Variants in ZNF610 observed in about 807,000 individuals in gnomAD.
ZNF610 encodes zink finger protein.
A neutral mutation model predicts 14.1 loss-of-function variants in ZNF610; 14 were observed. That is an observed-to-expected ratio of 0.99 (90% CI 0.65 to 1.55). ZNF610 has a LOEUF of 1.55. Ranked by LOEUF, ZNF610 falls within the 40% of genes most tolerant of loss-of-function variation. The pLI, the probability that ZNF610 is intolerant of heterozygous loss-of-function variation, is 0.00. For synonymous variants in ZNF610, 185 were observed against 187.6 expected (o/e 0.99, Z 0.11); for missense variants, 530 against 558.0 (o/e 0.95, Z 0.51).
chr19:52,349,295 C>A, intron 3 of ZNF610, 60 bp downstream of exon 3: 1 of 1,547,508 alleles, frequency 6.5e-7, no homozygotes, highest in Non-Finnish European at 8.9e-7. Flanking sequence ...CCTGAAGCAT[C>A]CTGCCTGACA....
upstream of ZNF610, among the ~76,000 whole-genome samples, chr19:52,331,975 C>T (rs575772510): frequency 3.3e-5 from 5 of 152,158 alleles, no homozygotes; most frequent in African/African-American, 7.2e-5. Flanking sequence ...CCCTGAACAG[C>T]GACAGTGGCA....
chr19:52,331,342 G>A (rs1984208662), upstream of ZNF610, among the ~76,000 whole-genome samples: 1 of 152,150 alleles, frequency 6.6e-6, no homozygotes. Context: ...CACATTGACA[G>A]CCCTGCTACC....
intron 5 of ZNF610, among the ~76,000 whole-genome samples, chr19:52,360,615 A>C (rs1001822639): frequency 2.0e-5 from 3 of 152,162 alleles, no homozygotes. Context: ...TTCTATCATC[A>C]GTAGTTGTTG....
upstream of ZNF610, among the ~76,000 whole-genome samples, chr19:52,333,080 AC>A (rs1289414911): frequency 2.6e-5 from 4 of 152,174 alleles, no homozygotes; most frequent in Admixed American, 2.6e-4. Context: ...TGGAAGTCTT[AC>A]CTAAGCCTCC....
intron 1 of ZNF610, among the ~76,000 whole-genome samples, chr19:52,345,879 T>C (rs1017435229): frequency 6.6e-6 from 1 of 151,252 alleles, no homozygotes; most frequent in Non-Finnish European, 1.5e-5. Context: ...TAATTTTTTG[T>C]ATTTTTAGTA....
At chr19:52,347,511 C>T (rs1279405772) in intron 1 of ZNF610, among the ~76,000 whole-genome samples, 196 bp from the exon 2 acceptor site, 1 of 152,158 alleles carries the variant, frequency 6.6e-6, no homozygotes, top group South Asian at 2.1e-4. Flanking sequence ...AGCCTAAATA[C>T]ACAGTAAGTA....
At chr19:52,335,857 T>C (rs16983728), upstream of ZNF610, among the ~76,000 whole-genome samples, 10,314 of 152,154 alleles carry the variant, frequency 0.068, 551 homozygotes, top group African/African-American at 0.15. Flanking sequence ...TATTTACTTA[T>C]TTATTTTAGG....
Position 52,365,957 on chromosome 19 carries a change from GA to G in ZNF610, c.582del (p.Ala195HisfsTer30), listed in dbSNP as rs777515331. ...IDFPLLPQEEKAYIRGKSYEY... is the reference protein window; with the variant it reads ...IDFPLLPQEEXAYIRGKSYEY... ...ATTTCCCATTACTCCCACAAGAAGA[GA>G]AAGCATACATTAGAGGAAAATCTTA... On this transcript the variant is annotated frameshift_variant, in exon 6 of 6. Transcript: ENST00000403906. LOFTEE classifies it low-confidence loss of function (END_TRUNC). 1 of 1,613,932 alleles carries G rather than the reference GA, an allele frequency of 6.2e-7. No homozygotes were observed. Among genetic ancestry groups the G allele is most frequent in the Admixed American group, 1.7e-5 (1 of 60,010 alleles).
chr19:52,359,580 T>C (rs1446842688), intron 5 of ZNF610, among the ~76,000 whole-genome samples: 1 of 152,094 alleles, frequency 6.6e-6, no homozygotes, highest in Non-Finnish European at 1.5e-5. Context: ...TATCTGAGAG[T>C]GTTTTAAGAA....
chr19:52,341,601 C>T (rs754694297), intron 1 of ZNF610, among the ~76,000 whole-genome samples: 3 of 151,822 alleles, frequency 2.0e-5, no homozygotes, highest in African/African-American at 7.3e-5. Context: ...AGCCACCGTG[C>T]GTGGCCCCTA....
At chr19:52,330,299 C>G in the ZNF610 span, 5 of 152,146 alleles carry the variant, frequency 3.3e-5, no homozygotes, top group Non-Finnish European at 7.4e-5. Context: ...TTCACAGATG[C>G]GCCTCTCAGA....
chr19:52,366,257 T>A lies in ZNF610; in HGVS notation c.879T>A (p.Cys293Ter). The A allele has an allele frequency of 6.2e-7, 1 of 1,613,350 alleles. No individual in the cohort carries two copies. Among genetic ancestry groups the A allele is most frequent in the South Asian group, 1.1e-5 (1 of 90,992 alleles). ...TGEKPHKCNE[C>*]GKAFRECSGL... Reference sequence around the variant, plus strand: ...AGAAGCCTCACAAATGTAACGAATGTGGCAAAGCTTTTAGAGAGTGTTCGG... The same window carrying A: ...AGAAGCCTCACAAATGTAACGAATGAGGCAAAGCTTTTAGAGAGTGTTCGG... Residue 293 changes from cysteine to a stop codon, truncating the protein, a stop_gained, in exon 6 of 6, where the codon TGT (cysteine) becomes TGA (stop). Transcript: ENST00000403906. LOFTEE classifies it low-confidence loss of function (END_TRUNC).
chr19:52,330,575 T>C, the ZNF610 span, among the ~76,000 whole-genome samples: 1 of 152,232 alleles, frequency 6.6e-6, no homozygotes, highest in African/African-American at 2.4e-5. Flanking sequence ...CAGTGTCTAG[T>C]GAGCATCTCC....
intron 5 of ZNF610, among the ~76,000 whole-genome samples, chr19:52,363,117 G>T (rs1328877517): frequency 1.3e-5 from 2 of 149,890 alleles, no homozygotes; most frequent in Non-Finnish European, 3.0e-5. Context: ...CTTCTCTTTG[G>T]TTCTATCCCC....
intron 5 of ZNF610, among the ~76,000 whole-genome samples, chr19:52,362,181 CG>C (rs202126731): frequency 0.018 from 2,702 of 152,310 alleles, 54 homozygotes; most frequent in Middle Eastern, 0.061. Flanking sequence ...GAGGCCGAGG[CG>C]GGTGGATCAC....
chr19:52,351,944 C>T (rs1985274757), intron 3 of ZNF610, among the ~76,000 whole-genome samples: 1 of 152,148 alleles, frequency 6.6e-6, no homozygotes, highest in South Asian at 2.1e-4. Flanking sequence ...AGCAGGTTGA[C>T]TTGGTGCTTC....
At chr19:52,334,077 T>C (rs902526818), upstream of ZNF610, among the ~76,000 whole-genome samples, 1 of 152,198 alleles carries the variant, frequency 6.6e-6, no homozygotes, top group Non-Finnish European at 1.5e-5. Flanking sequence ...CAATGGTTTA[T>C]AAACTGTAAA....
At chr19:52,348,481 C>T (rs1285329963) in intron 2 of ZNF610, among the ~76,000 whole-genome samples, 5 of 152,020 alleles carry the variant, frequency 3.3e-5, no homozygotes, top group African/African-American at 4.8e-5. Flanking sequence ...GACTGAGGGC[C>T]GAGTGTAGAC....
intron 5 of ZNF610, among the ~76,000 whole-genome samples, chr19:52,357,337 G>A (rs970892404): frequency 3.9e-5 from 6 of 152,058 alleles, no homozygotes; most frequent in Admixed American, 1.3e-4. Context: ...ATAATGAGAC[G>A]TTATCTCTAC....
Sources: gnomAD v4.1 joint callset for allele counts (sites outside exome capture counted in the v4.1 genomes callset) on GRCh38, gnomAD v4.1.1 for gene constraint, MANE v1.5 for transcripts, NCBI Gene and HGNC (gene_info 2026-07-23, HGNC 2026-07-21) for gene names.